ATG10: variants seen among roughly 807,000 people sequenced by gnomAD.
The protein encoded by ATG10 is autophagy related 10.
Under a neutral mutation model 32.1 loss-of-function variants are expected in ATG10, and 30 were observed. That is an observed-to-expected ratio of 0.94 (90% CI 0.70 to 1.27). The LOEUF (loss-of-function observed/expected upper bound fraction) is 1.27. Ranked by LOEUF, ATG10 falls within the 50% of genes most tolerant of loss-of-function variation. The probability of loss-of-function intolerance (pLI) is 0.00; values close to 1 mark genes in which losing one functional copy is unlikely to be tolerated. For synonymous variants in ATG10, 87 were observed against 91.5 expected, an observed-to-expected ratio of 0.95 and a Z score of 0.28; for missense variants, 233 against 262.3, an observed-to-expected ratio of 0.89 and a Z score of 0.77.
At chr5:82,000,777 C>A (rs1040648490) in intron 2 of ATG10, among the ~76,000 whole-genome samples, 1 of 152,176 alleles carries the variant, frequency 6.6e-6, no homozygotes, top group African/African-American at 2.4e-5. Context: ...CTGCCTCAGC[C>A]TCCTGCATAG....
intron 3 of ATG10, among the ~76,000 whole-genome samples, chr5:82,078,164 G>T (rs542806939): frequency 6.6e-6 from 1 of 152,106 alleles, no homozygotes. Flanking sequence ...ACTATCCCAC[G>T]TACTTTCTTG....
chr5:82,072,566 T>G (rs1023927033), intron 3 of ATG10, among the ~76,000 whole-genome samples: 4 of 152,156 alleles, frequency 2.6e-5, no homozygotes, highest in African/African-American at 9.7e-5. Flanking sequence ...ACATAACCAA[T>G]GTGACATTAT....
Position 82,202,666 on chromosome 5 carries a change from G to A in ATG10, c.453+24079G>A, listed in dbSNP as rs984609448. The stretch of plus-strand genomic sequence containing the variant: ...CTAGAAAGACAGGGCTTCTCTTGGA[G>A]TTTTAGCTTCCAGATCTGCTGTTCC... On this transcript the variant is annotated intron_variant, in intron 5 of 7. Transcript: ENST00000282185. 2.6e-5 allele frequency among the ~76,000 whole-genome samples: 4 copies of A among 152,164 alleles called. No individual in the cohort carries two copies. In the East Asian group the frequency reaches 7.7e-4, roughly 29 times the overall value.
chr5:82,054,762 T>A (rs1484763198), intron 2 of ATG10, among the ~76,000 whole-genome samples: 1 of 152,188 alleles, frequency 6.6e-6, no homozygotes, highest in East Asian at 1.9e-4. Context: ...GGTTGTTATG[T>A]GGGATGGAAT....
intron 5 of ATG10, among the ~76,000 whole-genome samples, chr5:82,206,475 G>A (rs1364853746): frequency 2.6e-5 from 4 of 151,720 alleles, no homozygotes; most frequent in Admixed American, 6.6e-5. Flanking sequence ...GTGAAACCCC[G>A]TCTCTACTTA....
chr5:82,132,088 C>T (rs545946418), intron 3 of ATG10, among the ~76,000 whole-genome samples: 1 of 152,066 alleles, frequency 6.6e-6, no homozygotes, highest in African/African-American at 2.4e-5. Context: ...ACTACCAGGA[C>T]CCACCTCCAA....
chr5:82,207,533 C>G (rs891468937), intron 5 of ATG10, among the ~76,000 whole-genome samples: 1 of 151,944 alleles, frequency 6.6e-6, no homozygotes, highest in Non-Finnish European at 1.5e-5. Flanking sequence ...GGTATGAGTT[C>G]TTTGATGGAT....
chr5:81,991,823 A>T (rs921888011), intron 2 of ATG10, among the ~76,000 whole-genome samples: 6 of 151,812 alleles, frequency 4.0e-5, no homozygotes, highest in Non-Finnish European at 7.4e-5. Context: ...ATCTATACCT[A>T]TGTATAGGGC....
intron 5 of ATG10, among the ~76,000 whole-genome samples, chr5:82,210,039 C>G (rs1745437806): frequency 1.3e-5 from 2 of 152,142 alleles, no homozygotes; most frequent in Admixed American, 1.3e-4. Flanking sequence ...AATTCCACTT[C>G]CTTACCAAAA....
intron 2 of ATG10, among the ~76,000 whole-genome samples, chr5:82,000,383 A>C (rs1434381028): frequency 6.6e-6 from 1 of 152,190 alleles, no homozygotes; most frequent in Non-Finnish European, 1.5e-5. Flanking sequence ...CACAAGCTGA[A>C]AGCTTCCCCT....
intron 3 of ATG10, among the ~76,000 whole-genome samples, chr5:82,079,645 T>C (rs542702282): frequency 6.6e-6 from 1 of 152,188 alleles, no homozygotes; most frequent in Non-Finnish European, 1.5e-5. Context: ...GATAGTTTGC[T>C]GAGAATGATG....
intron 2 of ATG10, among the ~76,000 whole-genome samples, chr5:82,037,290 C>T (rs1424482230): frequency 8.0e-5 from 8 of 100,620 alleles, no homozygotes; most frequent in African/African-American, 1.2e-4. Context: ...CTCTGTCGCC[C>T]AGGCTGGAGT....
intron 5 of ATG10, among the ~76,000 whole-genome samples, chr5:82,218,375 C>A (rs1233280254): frequency 6.6e-6 from 1 of 152,124 alleles, no homozygotes; most frequent in Non-Finnish European, 1.5e-5. Context: ...ACCTTAAATT[C>A]ATATGTCTTA....
intron 3 of ATG10, among the ~76,000 whole-genome samples, chr5:82,091,028 T>G (rs183618677): frequency 9.9e-5 from 15 of 152,260 alleles, no homozygotes; most frequent in Middle Eastern, 3.4e-3. Flanking sequence ...TTTGATAAGC[T>G]TCTACACATC....
intron 5 of ATG10, chr5:82,242,805 C>G (rs1395435138): frequency 2.2e-6 from 1 of 450,766 alleles, no homozygotes; most frequent in East Asian, 7.0e-5. Flanking sequence ...AGATCTTCAC[C>G]AAGAGGTGTT....
chr5:82,179,689 T>G (rs1225088683), intron 5 of ATG10, among the ~76,000 whole-genome samples: 1 of 152,140 alleles, frequency 6.6e-6, no homozygotes, highest in Non-Finnish European at 1.5e-5. Flanking sequence ...TAATTTTTAC[T>G]TATATCAAAA....
intron 3 of ATG10, among the ~76,000 whole-genome samples, chr5:82,108,506 G>A (rs1765509214): frequency 6.6e-6 from 1 of 151,796 alleles, no homozygotes; most frequent in African/African-American, 2.4e-5. Context: ...ATGTATATGT[G>A]TGTGTATATA....
At chr5:81,985,503 G>A (rs79336656) in intron 1 of ATG10, among the ~76,000 whole-genome samples, 9,567 of 152,072 alleles carry the variant, frequency 0.063, 386 homozygotes, top group Non-Finnish European at 0.091. Context: ...GACATTCCAC[G>A]GGCATTTGAA....
At chr5:82,008,606 A>G (rs966139992) in intron 2 of ATG10, among the ~76,000 whole-genome samples, 3 of 152,258 alleles carry the variant, frequency 2.0e-5, no homozygotes, top group African/African-American at 7.2e-5. Flanking sequence ...TAATTGTGCA[A>G]GTTTAACAAA....
Sources: gnomAD v4.1 joint callset for allele counts (sites outside exome capture counted in the v4.1 genomes callset) on GRCh38, gnomAD v4.1.1 for gene constraint, MANE v1.5 for transcripts, NCBI Gene and HGNC (gene_info 2026-07-23, HGNC 2026-07-21) for gene names.